Variants in SLC4A4 observed in about 807,000 individuals in gnomAD.
The protein encoded by SLC4A4 is electrogenic sodium bicarbonate cotransporter 1.
In SLC4A4, 27 loss-of-function variants were observed where a neutral mutation model predicts 111.5. The ratio of observed to expected loss-of-function variants is 0.24; its 90% CI spans 0.18 to 0.33. The LOEUF is 0.33. SLC4A4 is among the 10% of genes least tolerant of loss of function. The pLI, the probability that SLC4A4 is intolerant of heterozygous loss-of-function variation, is 1.00. For synonymous variants in SLC4A4, 443 were observed against 463.4 expected (o/e 0.96, Z 0.57); for missense variants, 909 against 1,315.5 (o/e 0.69, Z 4.78).
intron 9 of SLC4A4, among the ~76,000 whole-genome samples, chr4:71,447,952 A>C (rs902597731): frequency 6.6e-6 from 1 of 152,230 alleles, no homozygotes; most frequent in African/African-American, 2.4e-5. Flanking sequence ...CTCTGTTGGA[A>C]TAAAACATAT....
chr4:71,139,179 T>TTGTGTGTGTGTGTGTG (rs57359640), intron 2 of SLC4A4, among the ~76,000 whole-genome samples: 42 of 144,438 alleles, frequency 2.9e-4, no homozygotes, highest in African/African-American at 3.9e-4. Context: ...TCCCTTTTCT[T>TTGTGTGTGTGTGTGTG]TGTGTGTGTG....
chr4:71,453,640 C>T lies in SLC4A4; in HGVS notation c.1468C>T (p.Leu490=). 2 of 1,613,882 alleles carry T rather than the reference C, an allele frequency of 1.2e-6. No individual in the cohort carries two copies. Among genetic ancestry groups the T allele is most frequent in the Non-Finnish European group, 1.7e-6 (2 of 1,179,880 alleles). ...TVTNAITFGG[L]LGDATDNMQG... ...AACTAATGCTATCACTTTTGGAGGA[C>T]TGCTTGGGGATGCCACTGACAACAT... is the stretch of plus-strand genomic sequence containing the variant. The change falls in exon 12 of 26, where the codon CTG becomes TTG. Residue 490 remains leucine, a synonymous_variant. Transcript: ENST00000264485.
intron 16 of SLC4A4, among the ~76,000 whole-genome samples, chr4:71,512,940 G>A (rs895497223): frequency 6.6e-6 from 1 of 152,140 alleles, no homozygotes; most frequent in African/African-American, 2.4e-5. Context: ...TCAGTTAGCT[G>A]TAAGTGTATC....
At chr4:71,292,101 C>A (rs1037321130) in intron 3 of SLC4A4, among the ~76,000 whole-genome samples, 4 of 151,880 alleles carry the variant, frequency 2.6e-5, no homozygotes, top group African/African-American at 7.3e-5. Flanking sequence ...AGAAAGAAAC[C>A]AAACTTCTAA....
At position 71,355,433 on chromosome 4, in the gene SLC4A4, A is replaced by T. The variant is rs558705607; in HGVS notation, c.551-1575A>T. On this transcript the variant is annotated intron_variant, in intron 5 of 25. Coordinates refer to ENST00000264485, the MANE Select transcript of SLC4A4 (RefSeq NM_001098484.3). Reference sequence around the variant, plus strand: ...AGAGAGGTTTAATTGTAATTACAGGATCAATTCTGATAGTTTTGCTGAGTG... The same window carrying T: ...AGAGAGGTTTAATTGTAATTACAGGTTCAATTCTGATAGTTTTGCTGAGTG... Among the ~76,000 whole-genome samples, 7 of 152,334 alleles carry T rather than the reference A, an allele frequency of 4.6e-5. No individual in the cohort carries two copies. The East Asian group carries it at 1.3e-3, about 29-fold the overall frequency.
rs565283860 is a variant in SLC4A4, at chr4:71,179,022, C to T, written c.-1-57554C>T. Among the ~76,000 whole-genome samples, 663 of 152,324 alleles carry T rather than the reference C, an allele frequency of 4.4e-3. 2 individuals are homozygous for T. The highest frequency in any genetic ancestry group is 8.5e-3 in the South Asian group (41 of 4,824). On this transcript the variant is annotated intron_variant, in intron 2 of 26. Transcript: ENST00000649996. ...TTGTCCACCATGATCAAGTGGGCTT[C>T]ATCCCTGGGATGCAAGGCTGGTTCA... is the stretch of plus-strand genomic sequence containing the variant.
rs78108751 is a variant in SLC4A4, at chr4:71,403,219, G to A, written c.807+5566G>A. On this transcript the variant is annotated intron_variant, in intron 7 of 25. Coordinates refer to ENST00000264485, the MANE Select transcript of SLC4A4 (RefSeq NM_001098484.3). ...AAAAAGGAGCCTTTTGTGAAATTTA[G>A]AGCTATGGTTTTAAGTAACTGCGCT... 5.9e-5 allele frequency among the ~76,000 whole-genome samples: 9 copies of A among 152,222 alleles called. No individual in the cohort carries two copies. In the East Asian group the frequency reaches 1.7e-3, roughly 29 times the overall value.
At chr4:71,437,407 G>GTAA (rs1277506248) in intron 7 of SLC4A4, 1 of 308,972 alleles carries the variant, frequency 3.2e-6, no homozygotes, top group African/African-American at 2.2e-5. Context: ...ATTGCATCGG[G>GTAA]TAATACTGGA....
At chr4:71,524,673 T>C (rs558224627) in intron 16 of SLC4A4, among the ~76,000 whole-genome samples, 2 of 152,252 alleles carry the variant, frequency 1.3e-5, no homozygotes, top group East Asian at 1.9e-4. Flanking sequence ...TAGTGCTTTA[T>C]AGCATTGGCT....
rs1257563928 is a variant in SLC4A4, at chr4:71,569,860, C to A, written c.*2109C>A. ...TTATACAAATTAGTCAATAATGACCCCAATTTTTTCATTAAAATAATAGTG... is the reference window on the plus strand; with the variant it reads ...TTATACAAATTAGTCAATAATGACCACAATTTTTTCATTAAAATAATAGTG... On this transcript the variant is annotated 3_prime_UTR_variant, in exon 26 of 26. Coordinates refer to ENST00000264485, the MANE Select transcript of SLC4A4 (RefSeq NM_001098484.3). The A allele has an allele frequency of 1.3e-5, 2 of 151,544 alleles. No individual in the cohort carries two copies. Among genetic ancestry groups the A allele is most frequent in the African/African-American group, 4.8e-5 (2 of 41,326 alleles). The allele number at this position is 151,544 out of a possible 1,614,324, so 9.4% of individuals were successfully genotyped here. A position where few individuals can be genotyped will look rare whatever the true frequency, so the allele number is the denominator to read the frequency against.
chr4:71,197,704 ACC>A (rs1405186981), intron 1 of SLC4A4, among the ~76,000 whole-genome samples: 1 of 152,236 alleles, frequency 6.6e-6, no homozygotes, highest in East Asian at 1.9e-4. Flanking sequence ...GTGCACATGT[ACC>A]CTAGAACTTA....
chr4:71,422,952 A>G (rs1336003467), intron 7 of SLC4A4, among the ~76,000 whole-genome samples: 2 of 151,950 alleles, frequency 1.3e-5, no homozygotes, highest in African/African-American at 2.4e-5. Context: ...CTCTCTCACC[A>G]CTCCTATTCA....
chr4:71,536,485 T>TATATACATATATATATATAA (rs760037325), intron 18 of SLC4A4, among the ~76,000 whole-genome samples: 1 of 84,030 alleles, frequency 1.2e-5, no homozygotes, highest in African/African-American at 5.0e-5. Context: ...TATATATATA[T>TATATACATATATATATATAA]ATGTATATAT....
chr4:71,319,054 G>C (rs1726918289), intron 3 of SLC4A4, among the ~76,000 whole-genome samples: 1 of 151,830 alleles, frequency 6.6e-6, no homozygotes, highest in African/African-American at 2.4e-5. Context: ...TTGGATTGCT[G>C]ATTCTGTTTT....
At chr4:71,066,262 A>G (rs1021898497) in intron 1 of SLC4A4, among the ~76,000 whole-genome samples, 1 of 152,194 alleles carries the variant, frequency 6.6e-6, no homozygotes, top group African/African-American at 2.4e-5. Flanking sequence ...TGATGTTTCT[A>G]ATTGGTGATA....
chr4:71,472,960 A>G lies in SLC4A4; in HGVS notation c.1893A>G (p.Pro631=), dbSNP rs1728020327. The G allele has an allele frequency of 6.2e-7, 1 of 1,612,908 alleles. No individual in the cohort carries two copies. Among genetic ancestry groups the G allele is most frequent in the South Asian group, 1.1e-5 (1 of 91,034 alleles). Residue 631 remains proline (P), a synonymous_variant, in exon 14 of 26, where the codon CCA becomes CCG. Coordinates refer to ENST00000264485, the MANE Select transcript of SLC4A4 (RefSeq NM_001098484.3). ...YNTLFSCTCV[P]PDPANISISN... Reference sequence around the variant, plus strand: ...CTCTCTTTTCCTGTACCTGTGTGCCACCTGACCCAGGTGAGGGCATTACGC... The same window carrying G: ...CTCTCTTTTCCTGTACCTGTGTGCCGCCTGACCCAGGTGAGGGCATTACGC...
At chr4:71,175,122 A>T (rs1382069894) in intron 2 of SLC4A4, among the ~76,000 whole-genome samples, 1 of 152,262 alleles carries the variant, frequency 6.6e-6, no homozygotes. Flanking sequence ...CCATAGGCAG[A>T]TAAATGGAAT....
At chr4:71,439,037 C>G (rs1050559448) in intron 7 of SLC4A4, among the ~76,000 whole-genome samples, 7 of 151,268 alleles carry the variant, frequency 4.6e-5, no homozygotes, top group Admixed American at 2.0e-4. Flanking sequence ...CTATTTTATT[C>G]TCTCCTCCCC....
rs1337623602 is a variant in SLC4A4, at chr4:71,102,941, G to A, written c.-2+10149G>A. On this transcript the variant is annotated intron_variant, in intron 2 of 26. Transcript: ENST00000649996. ...AACAATATTAACTTTAAATGTAAAT[G>A]GACTAAATGCTCCAATTAAAAGACA... Among the ~76,000 whole-genome samples the A allele has an allele frequency of 2.0e-5, 3 of 149,948 alleles. No individual in the cohort carries two copies. The East Asian group carries it at 5.9e-4, about 29-fold the overall frequency.
Sources: allele counts gnomAD v4.1 joint callset (sites outside exome capture counted in the v4.1 genomes callset), GRCh38; gene constraint gnomAD v4.1.1; transcripts MANE v1.5; gene names NCBI Gene and HGNC (gene_info 2026-07-23, HGNC 2026-07-21).